Variants in CSMD1 observed in about 807,000 individuals in gnomAD.
CSMD1 encodes CUB and Sushi multiple domains 1.
In CSMD1, 213 loss-of-function variants were observed where a neutral mutation model predicts 417.5. The observed-to-expected ratio is 0.51, with a 90% CI of 0.46 to 0.57. CSMD1 has a LOEUF of 0.57. CSMD1 is among the 20% of genes least tolerant of loss of function. The pLI, the probability that CSMD1 is intolerant of heterozygous loss-of-function variation, is 0.00. For synonymous variants in CSMD1, 2,862 were observed against 1,736.8 expected (o/e 1.65, Z -16.11); for missense variants, 6,923 against 4,529.7 (o/e 1.53, Z -15.17).
chr8:3,266,403 T>G lies in CSMD1; in HGVS notation c.4153+17741A>C, dbSNP rs186817648. On this transcript the variant is annotated intron_variant, in intron 26 of 69. Coordinates refer to ENST00000635120, the MANE Select transcript of CSMD1 (RefSeq NM_033225.6). The stretch of plus-strand genomic sequence containing the variant: ...GGTGGATCACCTGAGACTAGGAGAT[T>G]GAGACCAGCCTGGCTAACATGGCAA... Among the ~76,000 whole-genome samples the G allele has an allele frequency of 3.3e-5, 5 of 150,928 alleles. No homozygotes were observed. In the East Asian group the frequency reaches 8.0e-4, roughly 24 times the overall value.
At chr8:4,549,315 G>C (rs922972239) in intron 2 of CSMD1, among the ~76,000 whole-genome samples, 7 of 152,130 alleles carry the variant, frequency 4.6e-5, no homozygotes, top group African/African-American at 9.7e-5. Flanking sequence ...GGAAGGAAAA[G>C]GGTAAAAGAA....
intron 41 of CSMD1, among the ~76,000 whole-genome samples, chr8:3,122,545 C>T (rs1013974855): frequency 2.0e-5 from 3 of 152,130 alleles, no homozygotes; most frequent in African/African-American, 4.8e-5. Context: ...CCCAGAATTC[C>T]CAAATGTTGT....
chr8:3,764,551 G>A (rs1798167680), intron 5 of CSMD1, among the ~76,000 whole-genome samples: 1 of 151,976 alleles, frequency 6.6e-6, no homozygotes, highest in South Asian at 2.1e-4. Context: ...GGGAGTACAG[G>A]TTGCTGTGAG....
At chr8:4,503,640 G>T (rs1335014417) in intron 2 of CSMD1, among the ~76,000 whole-genome samples, 1 of 152,004 alleles carries the variant, frequency 6.6e-6, no homozygotes, top group African/African-American at 2.4e-5. Flanking sequence ...CTGCAACCGA[G>T]GCCCAACACA....
chr8:3,706,062 G>T (rs772568627), intron 7 of CSMD1, among the ~76,000 whole-genome samples: 1 of 152,226 alleles, frequency 6.6e-6, no homozygotes, highest in African/African-American at 2.4e-5. Context: ...CCTAAGGCAC[G>T]CATGACGCGC....
At chr8:3,882,196 G>T (rs960314763) in intron 5 of CSMD1, among the ~76,000 whole-genome samples, 4 of 151,266 alleles carry the variant, frequency 2.6e-5, no homozygotes, top group Non-Finnish European at 4.4e-5. Flanking sequence ...AAATCAACAA[G>T]AAAGAGAGAG....
chr8:3,985,732 G>C (rs1222156277), intron 5 of CSMD1, among the ~76,000 whole-genome samples: 4 of 148,340 alleles, frequency 2.7e-5, no homozygotes, highest in Non-Finnish European at 5.9e-5. Flanking sequence ...AGATTAAAAA[G>C]GCTGCCTTTA....
At chr8:3,963,613 G>C (rs1238702243) in intron 5 of CSMD1, among the ~76,000 whole-genome samples, 2 of 152,254 alleles carry the variant, frequency 1.3e-5, no homozygotes, top group South Asian at 2.1e-4. Context: ...AAATTTAGTA[G>C]CACATATGGT....
At chr8:3,511,754 T>G (rs1353368032) in intron 10 of CSMD1, among the ~76,000 whole-genome samples, 1 of 97,026 alleles carries the variant, frequency 1.0e-5, no homozygotes, top group Non-Finnish European at 2.1e-5. Flanking sequence ...AGACTCCATC[T>G]CTAAAAAAAT....
At chr8:3,656,318 G>C (rs899969166) in intron 7 of CSMD1, among the ~76,000 whole-genome samples, 4 of 152,150 alleles carry the variant, frequency 2.6e-5, no homozygotes, top group Non-Finnish European at 4.4e-5. Flanking sequence ...TAGGGCGAAA[G>C]GTATAGCACT....
intron 11 of CSMD1, among the ~76,000 whole-genome samples, chr8:3,478,945 G>C (rs904578193): frequency 6.6e-6 from 1 of 151,990 alleles, no homozygotes; most frequent in Non-Finnish European, 1.5e-5. Context: ...GGGCGGAATA[G>C]GTGACGGGGC....
intron 1 of CSMD1, among the ~76,000 whole-genome samples, chr8:4,863,830 G>T (rs1222241756): frequency 6.6e-6 from 1 of 151,924 alleles, no homozygotes; most frequent in Non-Finnish European, 1.5e-5. Context: ...TTAGGAAAAA[G>T]AAATGAAATT....
chr8:4,772,371 C>T (rs1483984403), intron 1 of CSMD1, among the ~76,000 whole-genome samples: 1 of 152,140 alleles, frequency 6.6e-6, no homozygotes, highest in Non-Finnish European at 1.5e-5. Context: ...AGTTCTCGGC[C>T]TTTGAGGACT....
chr8:4,788,280 G>T (rs1160387709), intron 1 of CSMD1: 55 of 1,589,756 alleles, frequency 3.5e-5, no homozygotes, highest in Non-Finnish European at 4.7e-5. Flanking sequence ...CATTCCTACT[G>T]TATTTGTGGC....
rs141355575 is a variant in CSMD1 at position 3,505,324 on chromosome 8, A to G, written c.1345-11598T>C. ...GTGTGGAGTGACCGCTGAAACTTTG[A>G]AGGAGCAAAAGATGAAAAGAAGATG... On this transcript the variant is annotated intron_variant, in intron 10 of 69. Transcript: ENST00000635120. 5.7e-3 allele frequency among the ~76,000 whole-genome samples: 872 copies of G among 152,322 alleles called. 10 individuals are homozygous for G. Among genetic ancestry groups the G allele is most frequent in the South Asian group, 0.047 (227 of 4,830 alleles).
At chr8:3,854,078 T>C (rs1056468581) in intron 5 of CSMD1, among the ~76,000 whole-genome samples, 5 of 146,072 alleles carry the variant, frequency 3.4e-5, no homozygotes, top group Admixed American at 2.8e-4. Flanking sequence ...GCATATAATA[T>C]ACTAAAGAAA....
intron 17 of CSMD1, among the ~76,000 whole-genome samples, chr8:3,388,896 TACAC>T (rs6150441): frequency 0.031 from 4,618 of 147,580 alleles, 74 homozygotes; most frequent in Middle Eastern, 0.059. Flanking sequence ...CACACATGCA[TACAC>T]ACACACACAC....
At chr8:4,650,529 G>T (rs1369636612) in intron 1 of CSMD1, among the ~76,000 whole-genome samples, 5 of 151,908 alleles carry the variant, frequency 3.3e-5, no homozygotes, top group Admixed American at 6.6e-5. Context: ...TTTTAGCTTG[G>T]TTTTGCGACG....
At chr8:4,628,829 C>G (rs1271992310) in intron 2 of CSMD1, among the ~76,000 whole-genome samples, 2 of 152,130 alleles carry the variant, frequency 1.3e-5, no homozygotes, top group African/African-American at 4.8e-5. Context: ...TCAGGAATCT[C>G]TGAGCTCCCA....
Sources: allele counts gnomAD v4.1 joint callset (sites outside exome capture counted in the v4.1 genomes callset), GRCh38; gene constraint gnomAD v4.1.1; transcripts MANE v1.5; gene names NCBI Gene and HGNC (gene_info 2026-07-23, HGNC 2026-07-21).